Variants in FUT9 observed in about 807,000 individuals in gnomAD.
The protein encoded by FUT9 is fucosyltransferase 9.
FUT9 carries 15 observed loss-of-function variants against 29.7 expected under a neutral mutation model. That is an observed-to-expected ratio of 0.51 (90% CI 0.34 to 0.78). FUT9 has a LOEUF of 0.78. FUT9 is among the 30% of genes least tolerant of loss of function. The pLI is 0.01. For synonymous variants in FUT9, 169 were observed against 153.7 expected (o/e 1.10, Z -0.74); for missense variants, 319 against 425.4 (o/e 0.75, Z 2.20).
chr6:96,203,525 G>A lies in FUT9; in HGVS notation c.370G>A (p.Ala124Thr), dbSNP rs1434662943. The change falls in exon 3 of 3, where the codon GCT becomes ACT. Residue 124 changes from alanine to threonine, a missense_variant. Physicochemically the swap from Ala to Thr is moderately conservative, Grantham distance 58. Transcript: ENST00000302103. ...SWDLTNLPQQARPPFQKWIWM... is the reference protein window; with the variant it reads ...SWDLTNLPQQTRPPFQKWIWM... ...GGATCTGACAAATTTACCTCAGCAA[G>A]CTAGGCCACCCTTCCAGAAATGGAT... 4 of 1,613,158 alleles carry A rather than the reference G, an allele frequency of 2.5e-6. No homozygotes were observed. In the Admixed American group the frequency reaches 6.7e-5, roughly 27 times the overall value.
At chr6:96,146,699 T>G (rs1772573585) in intron 2 of FUT9, among the ~76,000 whole-genome samples, 1 of 152,226 alleles carries the variant, frequency 6.6e-6, no homozygotes, top group Admixed American at 6.5e-5. Context: ...TCTCATTCTT[T>G]TCCATGTTAC....
rs936441917 is a variant in FUT9, at chr6:96,203,776, T to C, written c.621T>C (p.Asn207=). 3 of 1,613,908 alleles carry C rather than the reference T, an allele frequency of 1.9e-6. No homozygotes were observed. The African/African-American group carries it at 4.0e-5, about 22-fold the overall frequency. The change falls in exon 3 of 3, where the codon AAT becomes AAC. Residue 207 remains asparagine, a synonymous_variant. Transcript: ENST00000302103. ...NPEHARVKYY[N]ELSKSIEIHT... ...AGCATGCCAGAGTCAAGTATTACAA[T>C]GAGCTAAGCAAAAGCATTGAAATCC...
intron 1 of FUT9, among the ~76,000 whole-genome samples, chr6:96,086,104 C>A (rs1771311914): frequency 6.6e-6 from 1 of 152,134 alleles, no homozygotes; most frequent in Non-Finnish European, 1.5e-5. Context: ...CCTGGGTAAA[C>A]CAAGGCATAG....
chr6:96,161,399 C>G (rs1242130317), intron 2 of FUT9, among the ~76,000 whole-genome samples: 2 of 152,118 alleles, frequency 1.3e-5, no homozygotes, highest in Admixed American at 1.3e-4. Context: ...GACTTTCCAG[C>G]CTTCAGAGCT....
chr6:96,046,221 G>GCACACA (rs139036869), intron 1 of FUT9, among the ~76,000 whole-genome samples: 61,891 of 147,934 alleles, frequency 0.42, 12,996 homozygotes, highest in South Asian at 0.57. Context: ...ACACAGATAT[G>GCACACA]CACACACACA....
intron 1 of FUT9, among the ~76,000 whole-genome samples, chr6:96,104,131 T>C (rs1291040974): frequency 1.3e-5 from 2 of 152,158 alleles, no homozygotes; most frequent in Admixed American, 6.5e-5. Context: ...GTACACACTG[T>C]TAAGGGTAAG....
At chr6:96,120,269 C>CT (rs11347804) in intron 2 of FUT9, among the ~76,000 whole-genome samples, 2,793 of 91,462 alleles carry the variant, frequency 0.031, 143 homozygotes, top group East Asian at 0.076. Context: ...TTTTTTCTTT[C>CT]TTTTTTTTTT....
chr6:96,050,598 CCT>C (rs1223780048), intron 1 of FUT9, among the ~76,000 whole-genome samples: 1 of 152,176 alleles, frequency 6.6e-6, no homozygotes, highest in African/African-American at 2.4e-5. Flanking sequence ...AAATGCCTAT[CCT>C]CTCTTTCTGA....
In FUT9 at chr6:96,208,343, C is replaced by A. The variant is rs527447779; in HGVS notation, c.*4108C>A. ...ACCTTATGACTGTGTTTGATCATAT[C>A]TTTGAGTTCCCTTGAACTCTGATCT... is the stretch of plus-strand genomic sequence containing the variant. On this transcript the variant is annotated 3_prime_UTR_variant, in exon 3 of 3. Transcript: ENST00000302103. 6.0e-6 allele frequency: 1 copy of A among 166,576 alleles called. No individual in the cohort carries two copies. The highest frequency in any genetic ancestry group is 2.4e-5 in the African/African-American group (1 of 41,426). 10.3% of individuals were successfully genotyped at this position (166,576 alleles called of 1,614,324 possible). A position where few individuals can be genotyped will look rare whatever the true frequency, so the allele number is the denominator to read the frequency against.
At chr6:96,190,662 T>G (rs186454746) in intron 2 of FUT9, among the ~76,000 whole-genome samples, 1 of 152,228 alleles carries the variant, frequency 6.6e-6, no homozygotes, top group Non-Finnish European at 1.5e-5. Context: ...TCATTTGATC[T>G]TCAATCACTG....
chr6:96,044,112 T>C (rs1480651001), intron 1 of FUT9, among the ~76,000 whole-genome samples: 1 of 152,208 alleles, frequency 6.6e-6, no homozygotes, highest in Non-Finnish European at 1.5e-5. Context: ...ACCATAGGCA[T>C]TATAACTGAC....
chr6:96,083,958 T>C (rs1196108001), intron 1 of FUT9, among the ~76,000 whole-genome samples: 1 of 152,040 alleles, frequency 6.6e-6, no homozygotes, highest in African/African-American at 2.4e-5. Flanking sequence ...AGGTGAACAT[T>C]AATAATTTGA....
intron 2 of FUT9, among the ~76,000 whole-genome samples, chr6:96,138,483 CTTTTT>C (rs58250483): frequency 7.0e-6 from 1 of 141,918 alleles, no homozygotes. Flanking sequence ...GTGTTCCTTG[CTTTTT>C]TTTTTTTTTT....
At chr6:96,181,443 T>TA (rs397830762) in intron 2 of FUT9, among the ~76,000 whole-genome samples, 2 of 151,064 alleles carry the variant, frequency 1.3e-5, no homozygotes, top group Non-Finnish European at 3.0e-5. Flanking sequence ...AGTTCTTTTT[T>TA]AATTTTTTTT....
At chr6:96,187,696 C>A (rs1041302490) in intron 2 of FUT9, among the ~76,000 whole-genome samples, 5 of 152,016 alleles carry the variant, frequency 3.3e-5, no homozygotes, top group African/African-American at 9.7e-5. Context: ...GGAGGGAATT[C>A]TTTATTTTGT....
At chr6:96,044,620 C>T (rs1199986131) in intron 1 of FUT9, among the ~76,000 whole-genome samples, 4 of 152,182 alleles carry the variant, frequency 2.6e-5, no homozygotes, top group African/African-American at 9.7e-5. Context: ...AAACTGGAAT[C>T]TTGATCCACA....
At chr6:96,131,356 T>C (rs1344209896) in intron 2 of FUT9, among the ~76,000 whole-genome samples, 1 of 152,122 alleles carries the variant, frequency 6.6e-6, no homozygotes, top group East Asian at 1.9e-4. Flanking sequence ...TCTTTCCTTC[T>C]CTTTCCATAT....
At chr6:96,036,102 TA>T (rs1341214536) in intron 1 of FUT9, among the ~76,000 whole-genome samples, 4 of 144,304 alleles carry the variant, frequency 2.8e-5, no homozygotes, top group Admixed American at 7.2e-5. Context: ...ATATAATATT[TA>T]ATAATAATAT....
chr6:96,023,696 C>G (rs1189107774), intron 1 of FUT9, among the ~76,000 whole-genome samples: 3 of 151,886 alleles, frequency 2.0e-5, no homozygotes, highest in Non-Finnish European at 4.4e-5. Flanking sequence ...ATGGGATTAA[C>G]AACTTGATTC....
Sources: allele counts gnomAD v4.1 joint callset (sites outside exome capture counted in the v4.1 genomes callset), GRCh38; gene constraint gnomAD v4.1.1; transcripts MANE v1.5; gene names NCBI Gene and HGNC (gene_info 2026-07-23, HGNC 2026-07-21).